The following GABRB1 variants were observed in gnomAD, a reference collection of about 807,000 sequenced individuals.
The protein encoded by GABRB1 is gamma-aminobutyric acid receptor subunit beta-1.
A neutral mutation model predicts 51.6 loss-of-function variants in GABRB1; 17 were observed. The observed-to-expected ratio is 0.33, with a 90% CI of 0.23 to 0.49. GABRB1 has a LOEUF of 0.49. GABRB1 is among the 20% of genes least tolerant of loss of function. The pLI, the probability that GABRB1 is intolerant of heterozygous loss-of-function variation, is 0.99. For synonymous variants in GABRB1, 247 were observed against 218.9 expected (o/e 1.13, Z -1.14); for missense variants, 410 against 600.6 (o/e 0.68, Z 3.32).
chr4:46,999,695 AT>A (rs1724121460), intron 1 of GABRB1, among the ~76,000 whole-genome samples: 1 of 152,244 alleles, frequency 6.6e-6, no homozygotes, highest in African/African-American at 2.4e-5. Flanking sequence ...AAGATAACAA[AT>A]AAAAAAAGAA....
In GABRB1 at chr4:47,146,805, G is replaced by A. The variant is rs538403296; in HGVS notation, c.241-14444G>A. 1.1e-4 allele frequency among the ~76,000 whole-genome samples: 17 copies of A among 152,102 alleles called. No individual in the cohort carries two copies. The East Asian group carries it at 3.1e-3, about 28-fold the overall frequency. Reference sequence around the variant, plus strand: ...TCCTCAGGTGCATTCTCAGCAAACCGAGTTTTCTGCGTGACTTTTCTTAAA... The same window carrying A: ...TCCTCAGGTGCATTCTCAGCAAACCAAGTTTTCTGCGTGACTTTTCTTAAA... On this transcript the variant is annotated intron_variant, in intron 3 of 8. Coordinates refer to ENST00000295454, the MANE Select transcript of GABRB1 (RefSeq NM_000812.4).
At chr4:47,174,779 A>G (rs1332415900) in intron 4 of GABRB1, among the ~76,000 whole-genome samples, 1 of 152,096 alleles carries the variant, frequency 6.6e-6, no homozygotes, top group Non-Finnish European at 1.5e-5. Flanking sequence ...TTTGCTGGGT[A>G]GGGTATTTCA....
At chr4:47,364,535 CA>C (rs1420322077) in intron 5 of GABRB1, among the ~76,000 whole-genome samples, 3 of 150,440 alleles carry the variant, frequency 2.0e-5, no homozygotes, top group South Asian at 4.2e-4. Flanking sequence ...GAAAATAAAG[CA>C]AAATTTCAGG....
At chr4:47,092,534 GAATA>G (rs1457609434) in intron 3 of GABRB1, among the ~76,000 whole-genome samples, 2 of 151,388 alleles carry the variant, frequency 1.3e-5, no homozygotes, top group Non-Finnish European at 2.9e-5. Flanking sequence ...CTTTTTGTAT[GAATA>G]AATAAAGGAA....
At chr4:47,229,698 T>C (rs780655030) in intron 4 of GABRB1, among the ~76,000 whole-genome samples, 11 of 152,112 alleles carry the variant, frequency 7.2e-5, no homozygotes, top group Non-Finnish European at 1.2e-4. Context: ...AATGCAACCA[T>C]ATGTATCTTT....
intron 5 of GABRB1, among the ~76,000 whole-genome samples, chr4:47,358,088 T>G (rs1340120586): frequency 6.6e-6 from 1 of 152,108 alleles, no homozygotes; most frequent in Non-Finnish European, 1.5e-5. Flanking sequence ...GTTAAATGGC[T>G]TGCTTAAAGA....
intron 5 of GABRB1, among the ~76,000 whole-genome samples, chr4:47,376,088 C>T (rs1727365022): frequency 6.6e-6 from 1 of 152,176 alleles, no homozygotes; most frequent in Non-Finnish European, 1.5e-5. Flanking sequence ...GAATCATCCT[C>T]AGTCATTAAA....
At position 47,285,241 on chromosome 4, in the gene GABRB1, A is replaced by G. The variant is rs538677111; in HGVS notation, c.462-34886A>G. Among the ~76,000 whole-genome samples, 171 of 152,330 alleles carry G rather than the reference A, an allele frequency of 1.1e-3. 1 individual carries two copies. The highest frequency in any genetic ancestry group is 3.9e-3 in the African/African-American group (161 of 41,580). On this transcript the variant is annotated intron_variant, in intron 4 of 8. Transcript: ENST00000295454. ...GAGACCCTTGATTTTCACAAAGGAC[A>G]TATGGTACCCAGTTAGTTCTTGGAT...
intron 5 of GABRB1, among the ~76,000 whole-genome samples, chr4:47,322,926 G>A (rs931236124): frequency 2.0e-5 from 3 of 151,982 alleles, no homozygotes; most frequent in South Asian, 2.1e-4. Context: ...CTGAGATCAC[G>A]CCACCGCACT....
chr4:47,286,398 T>C (rs1723509872), intron 4 of GABRB1, among the ~76,000 whole-genome samples: 1 of 152,190 alleles, frequency 6.6e-6, no homozygotes, highest in Non-Finnish European at 1.5e-5. Flanking sequence ...CAGTTCTATT[T>C]CTGCTTGCAC....
chr4:47,234,425 T>C (rs907482956), intron 4 of GABRB1, among the ~76,000 whole-genome samples: 2 of 151,806 alleles, frequency 1.3e-5, no homozygotes, highest in African/African-American at 4.8e-5. Flanking sequence ...AGGCTGATGT[T>C]GCAGTGAGTG....
intron 5 of GABRB1, among the ~76,000 whole-genome samples, chr4:47,380,903 C>A (rs4695226): frequency 0.49 from 75,135 of 151,946 alleles, 19,869 homozygotes; most frequent in African/African-American, 0.68. Flanking sequence ...TTATTTTAGA[C>A]TCTATGGTTC....
chr4:47,289,801 A>G lies in GABRB1; in HGVS notation c.462-30326A>G, dbSNP rs1029901754. ...AAAACCTAACTTCATTAATGTCTTA[A>G]CCATTTTTAGCCTTGGACTTTTATA... On this transcript the variant is annotated intron_variant, in intron 4 of 8. Transcript: ENST00000295454. Among the ~76,000 whole-genome samples the G allele has an allele frequency of 5.3e-5, 8 of 152,218 alleles. No individual in the cohort carries two copies. The South Asian group carries it at 1.7e-3, about 32-fold the overall frequency.
At chr4:47,035,212 C>A (rs890207702) in intron 3 of GABRB1, among the ~76,000 whole-genome samples, 6 of 152,160 alleles carry the variant, frequency 3.9e-5, no homozygotes, top group African/African-American at 1.4e-4. Flanking sequence ...AATATAATCC[C>A]TGATTGGTTT....
intron 4 of GABRB1, among the ~76,000 whole-genome samples, chr4:47,230,664 C>T (rs1721109402): frequency 6.6e-6 from 1 of 152,154 alleles, no homozygotes; most frequent in African/African-American, 2.4e-5. Context: ...GGATCTCTAT[C>T]TTCCCATAAC....
intron 5 of GABRB1, among the ~76,000 whole-genome samples, chr4:47,331,914 C>A (rs1476695312): frequency 1.3e-5 from 2 of 152,242 alleles, no homozygotes; most frequent in African/African-American, 4.8e-5. Context: ...GGCAAGTCTA[C>A]GATTTAGCCC....
intron 4 of GABRB1, among the ~76,000 whole-genome samples, chr4:47,234,997 A>G (rs1007905272): frequency 5.9e-5 from 9 of 152,156 alleles, no homozygotes; most frequent in African/African-American, 2.2e-4. Context: ...ACATTGTTCT[A>G]TCTTGTATCC....
intron 4 of GABRB1, 45 bp from the exon 5 acceptor site, chr4:47,320,082 C>A: frequency 7.9e-7 from 1 of 1,271,564 alleles, no homozygotes; most frequent in Non-Finnish European, 1.2e-6. Flanking sequence ...AATGAAATGT[C>A]ATCACTTTTG....
At position 47,409,555 on chromosome 4, in the gene GABRB1, C is replaced by T. The variant is rs1036656817; in HGVS notation, c.1080+2629C>T. 4.6e-5 allele frequency among the ~76,000 whole-genome samples: 7 copies of T among 152,312 alleles called. No homozygotes were observed. In the East Asian group the frequency reaches 1.2e-3, roughly 25 times the overall value. On this transcript the variant is annotated intron_variant, in intron 8 of 8. Transcript: ENST00000295454. ...TCCTCTGCTCCTCTGCTCTTCTGCT[C>T]ATGGAGCCCAGGATTCGGGGTTTAT...
Sources: gnomAD v4.1 joint callset for allele counts (sites outside exome capture counted in the v4.1 genomes callset) on GRCh38, gnomAD v4.1.1 for gene constraint, MANE v1.5 for transcripts, NCBI Gene and HGNC (gene_info 2026-07-23, HGNC 2026-07-21) for gene names.